The following EDARADD variants were observed in gnomAD, a reference collection of about 807,000 sequenced individuals.
The protein encoded by EDARADD is EDAR associated via death domain.
EDARADD carries 20 observed loss-of-function variants against 25.6 expected under a neutral mutation model. That is an observed-to-expected ratio of 0.78 (90% CI 0.55 to 1.14). The LOEUF is 1.14. EDARADD is among the 50% of genes most tolerant of loss of function. The pLI is 0.00. For missense variants in EDARADD, 225 were observed against 270.1 expected (o/e 0.83, Z 1.17); for synonymous variants, 86 against 94.4 (o/e 0.91, Z 0.52).
chr1:236,440,868 G>T (rs184732391), intron 4 of EDARADD, among the ~76,000 whole-genome samples: 34 of 152,158 alleles, frequency 2.2e-4, no homozygotes, highest in Admixed American at 1.1e-3. Context: ...CTCTTCTTGG[G>T]CCTTCCTATT....
chr1:236,399,222 C>T (rs185732793), intron 1 of EDARADD, among the ~76,000 whole-genome samples: 1 of 152,254 alleles, frequency 6.6e-6, no homozygotes, highest in African/African-American at 2.4e-5. Context: ...CACTCTGTTG[C>T]CCAGGCTGGA....
intron 5 of EDARADD, among the ~76,000 whole-genome samples, chr1:236,480,083 CTTTTAA>C (rs1338892122): frequency 1.8e-5 from 2 of 111,768 alleles, no homozygotes; most frequent in African/African-American, 7.4e-5. Flanking sequence ...CTCAGTGTGC[CTTTTAA>C]GTATGCCATA....
intron 5 of EDARADD, among the ~76,000 whole-genome samples, chr1:236,481,651 T>C (rs1046669369): frequency 6.7e-6 from 1 of 149,934 alleles, no homozygotes; most frequent in Non-Finnish European, 1.5e-5. Context: ...TGGTGGTACG[T>C]GCCTGTAGTC....
Position 236,395,708 on chromosome 1 carries a change from G to T in EDARADD, c.61+1203G>T. 6.5e-7 allele frequency: 1 copy of T among 1,531,562 alleles called. No homozygotes were observed. The allele number at this position is 1,531,562 out of a possible 1,614,324, so 94.9% of individuals were successfully genotyped here. A position where few individuals can be genotyped will look rare whatever the true frequency, so the allele number is the denominator to read the frequency against. On this transcript the variant is annotated intron_variant, in intron 1 of 5. Transcript: ENST00000334232. This position sits in a 1 kb window ranked among gnomAD's most constrained non-coding sequence, Gnocchi z 6.9. ...CCGCTCCTGGAGCGAGCACCGCGGG[G>T]CGGGAGCTCGGGAGGCGCTCGCAGC... is the stretch of plus-strand genomic sequence containing the variant.
intron 3 of EDARADD, among the ~76,000 whole-genome samples, chr1:236,357,608 G>A (rs1416318554): frequency 6.6e-6 from 1 of 152,130 alleles, no homozygotes; most frequent in Non-Finnish European, 1.5e-5. Flanking sequence ...GGTAGAAGGT[G>A]AAGCAGGAGA....
intron 4 of EDARADD, among the ~76,000 whole-genome samples, chr1:236,461,637 A>G (rs548543897): frequency 4.3e-4 from 65 of 152,308 alleles, no homozygotes; most frequent in African/African-American, 1.4e-3. Flanking sequence ...TGTAGAAGTC[A>G]TAAGCGTGGG....
intron 2 of EDARADD, among the ~76,000 whole-genome samples, chr1:236,412,254 C>A (rs1278919284): frequency 2.0e-5 from 3 of 152,186 alleles, no homozygotes. Context: ...TTCTTCCCAT[C>A]TCACTTCAAG....
chr1:236,421,552 C>T (rs1657785923), intron 3 of EDARADD, among the ~76,000 whole-genome samples: 1 of 135,042 alleles, frequency 7.4e-6, no homozygotes, highest in Non-Finnish European at 1.5e-5. Flanking sequence ...GGCTGGGGTG[C>T]AGTGGCTCAA....
At chr1:236,391,637 C>T (rs930777337), upstream of EDARADD, among the ~76,000 whole-genome samples, 9 of 152,118 alleles carry the variant, frequency 5.9e-5, no homozygotes, top group Non-Finnish European at 1.2e-4. Context: ...TGAAGTAAGA[C>T]ACATGTGGTT....
intron 3 of EDARADD, among the ~76,000 whole-genome samples, chr1:236,368,962 T>A (rs1438438603): frequency 3.3e-5 from 5 of 152,158 alleles, no homozygotes; most frequent in African/African-American, 1.2e-4. Flanking sequence ...AATATGCCTT[T>A]TTAAAACAAA....
chr1:236,401,194 A>T (rs982234403), intron 1 of EDARADD, among the ~76,000 whole-genome samples: 2 of 152,126 alleles, frequency 1.3e-5, no homozygotes, highest in Non-Finnish European at 2.9e-5. Context: ...AAATAAAAAA[A>T]AAAAAGCTAT....
At chr1:236,380,392 T>C (rs1221715695) in intron 3 of EDARADD, among the ~76,000 whole-genome samples, 1 of 152,136 alleles carries the variant, frequency 6.6e-6, no homozygotes, top group Non-Finnish European at 1.5e-5. Flanking sequence ...ATTCATAGTC[T>C]GGAAAATAAG....
At chr1:236,377,189 T>G (rs1474458065) in intron 3 of EDARADD, among the ~76,000 whole-genome samples, 14 of 151,110 alleles carry the variant, frequency 9.3e-5, no homozygotes, top group Non-Finnish European at 2.9e-5. Flanking sequence ...AGAGTCTTGC[T>G]CTGTCACCCA....
intron 1 of EDARADD, among the ~76,000 whole-genome samples, chr1:236,397,068 C>T (rs1667529032): frequency 6.6e-6 from 1 of 151,998 alleles, no homozygotes; most frequent in Admixed American, 6.6e-5. Flanking sequence ...TCGACAGTAC[C>T]AGGCAAGATG....
intron 5 of EDARADD, among the ~76,000 whole-genome samples, chr1:236,480,975 A>C (rs1256312235): frequency 3.9e-5 from 6 of 152,190 alleles, no homozygotes; most frequent in Non-Finnish European, 8.8e-5. Context: ...CTCCCACTGC[A>C]CACACCCCAG....
At chr1:236,412,509 C>G (rs953124093) in intron 2 of EDARADD, among the ~76,000 whole-genome samples, 4 of 152,172 alleles carry the variant, frequency 2.6e-5, no homozygotes, top group Non-Finnish European at 4.4e-5. Flanking sequence ...TTCTTAGAAA[C>G]TGGGTCCGTC....
intron 5 of EDARADD, among the ~76,000 whole-genome samples, chr1:236,479,547 T>G (rs1242732881): frequency 6.6e-6 from 1 of 152,006 alleles, no homozygotes; most frequent in Non-Finnish European, 1.5e-5. Context: ...ATACCTGGGC[T>G]TCTCTGTGTA....
chr1:236,481,824 C>T (rs1659683053), intron 5 of EDARADD, among the ~76,000 whole-genome samples: 1 of 145,456 alleles, frequency 6.9e-6, no homozygotes. Flanking sequence ...TAGAAATGAG[C>T]ATTCTGAGGC....
intron 3 of EDARADD, among the ~76,000 whole-genome samples, chr1:236,355,602 C>T (rs185193989): frequency 5.3e-5 from 8 of 150,644 alleles, no homozygotes; most frequent in Admixed American, 2.0e-4. Context: ...CTCAGTCTCC[C>T]GGGTTCAGGT....
Sources: gnomAD v4.1 joint callset for allele counts (sites outside exome capture counted in the v4.1 genomes callset) on GRCh38, gnomAD v4.1.1 for gene constraint, Gnocchi (gnomAD v3.1) non-coding constraint, MANE v1.5 for transcripts, NCBI Gene and HGNC (gene_info 2026-07-23, HGNC 2026-07-21) for gene names.